LGALS13: variants seen among roughly 807,000 people sequenced by gnomAD.
LGALS13 encodes galactoside-binding soluble lectin 13.
LGALS13 carries 11 observed loss-of-function variants against 13.2 expected under a neutral mutation model. That is an observed-to-expected ratio of 0.83 (90% CI 0.52 to 1.38). The LOEUF is 1.38. Among genes scored for constraint, LGALS13 ranks in the 40% most tolerant of loss-of-function variants. The pLI, the probability that LGALS13 is intolerant of heterozygous loss-of-function variation, is 0.00. For synonymous variants in LGALS13, 71 were observed against 63.7 expected (o/e 1.11, Z -0.54); for missense variants, 183 against 174.3 (o/e 1.05, Z -0.28).
At chr19:39,606,734 C>G (rs1225482350) in intron 3 of LGALS13, among the ~76,000 whole-genome samples, 1 of 152,168 alleles carries the variant, frequency 6.6e-6, no homozygotes, top group Non-Finnish European at 1.5e-5. Flanking sequence ...TCCTTTCATT[C>G]TATAAGAACC....
In LGALS13 at chr19:39,607,280, G is replaced by C. The variant is rs1256516130; in HGVS notation, c.361G>C (p.Val121Leu). The change falls in exon 4 of 4, where the codon GTG becomes CTG. Residue 121 changes from valine to leucine, a missense_variant. By Grantham distance (32) the Val-to-Leu change is conservative. Coordinates refer to ENST00000221797, the MANE Select transcript of LGALS13 (RefSeq NM_013268.3). ...TGTCCATCGAATCCCGCCATCATTT[G>C]TGAAGATGGTGCAAGTGTCGAGAGA... The part of the protein sequence containing the change: ...GFVHRIPPSF[V>L]KMVQVSRDIS... 8 of 1,614,010 alleles carry C rather than the reference G, an allele frequency of 5.0e-6. No homozygotes were observed. The highest frequency in any genetic ancestry group is 5.9e-6 in the Non-Finnish European group (7 of 1,180,024).
At chr19:39,603,712 A>G (rs1451716188) in intron 1 of LGALS13, among the ~76,000 whole-genome samples, 2 of 152,066 alleles carry the variant, frequency 1.3e-5, no homozygotes, top group Non-Finnish European at 1.5e-5. Flanking sequence ...TGACTGGCAG[A>G]GAGGCAGGTA....
chr19:39,606,859 C>G (rs1246025167), intron 3 of LGALS13, among the ~76,000 whole-genome samples: 1 of 152,156 alleles, frequency 6.6e-6, no homozygotes, highest in African/African-American at 2.4e-5. Context: ...ATGCATTCAA[C>G]GAACATGGTC....
chr19:39,606,901 G>C (rs1471577991), intron 3 of LGALS13, among the ~76,000 whole-genome samples: 1 of 152,212 alleles, frequency 6.6e-6, no homozygotes, highest in East Asian at 1.9e-4. Context: ...TCCTGTGCGA[G>C]ATGCAGGGTC....
At chr19:39,605,508 C>A in intron 3 of LGALS13, 120 bp downstream of exon 3, 1 of 821,986 alleles carries the variant, frequency 1.2e-6, no homozygotes, top group Non-Finnish European at 2.0e-6. Flanking sequence ...ACTCCTGCCC[C>A]TGGTTTTCAT....
At chr19:39,604,145 T>A in intron 1 of LGALS13, 1 of 344,380 alleles carries the variant, frequency 2.9e-6, no homozygotes, top group African/African-American at 2.2e-5. Flanking sequence ...GTTTTAATTT[T>A]CAGAGTTGAA....
chr19:39,605,466 C>T (rs1600800070), intron 3 of LGALS13, 78 bp downstream of exon 3: 1 of 1,204,670 alleles, frequency 8.3e-7, no homozygotes, highest in Non-Finnish European at 1.2e-6. Context: ...GATCTGGCCT[C>T]AGTAGTCCGT....
chr19:39,603,068 A>T (rs1056452425), intron 1 of LGALS13, among the ~76,000 whole-genome samples: 2 of 152,110 alleles, frequency 1.3e-5, no homozygotes, highest in Non-Finnish European at 2.9e-5. Flanking sequence ...TGTATGTTGA[A>T]GTGGGATCAT....
chr19:39,602,701 A>G (rs1972620345), intron 1 of LGALS13, 118 bp downstream of exon 1: 1 of 1,011,314 alleles, frequency 9.9e-7, no homozygotes, highest in African/African-American at 1.6e-5. Context: ...ACTTAGAGCT[A>G]TTGAGGTGTG....
chr19:39,603,312 T>C (rs1719712371), intron 1 of LGALS13, among the ~76,000 whole-genome samples: 1 of 151,870 alleles, frequency 6.6e-6, no homozygotes, highest in Non-Finnish European at 1.5e-5. Context: ...CTGCACAGAG[T>C]GACCACTGTC....
At chr19:39,604,788 C>T (rs1972657519) in intron 2 of LGALS13, 110 bp downstream of exon 2, 4 of 1,340,688 alleles carry the variant, frequency 3.0e-6, no homozygotes, top group Middle Eastern at 1.8e-4. Flanking sequence ...AGAATGGAGG[C>T]CCCATGCAGG....
At chr19:39,603,408 G>T (rs112008058) in intron 1 of LGALS13, among the ~76,000 whole-genome samples, 347 of 152,000 alleles carry the variant, frequency 2.3e-3, no homozygotes, top group Admixed American at 5.2e-3. Context: ...ATACTGGTTT[G>T]TTAGGGAAGG....
chr19:39,605,745 C>G (rs925647695), intron 3 of LGALS13, among the ~76,000 whole-genome samples: 2 of 152,140 alleles, frequency 1.3e-5, no homozygotes, highest in Non-Finnish European at 2.9e-5. Context: ...TAATCAGTCA[C>G]AAATTAAGTC....
In LGALS13 at chr19:39,607,422, T is replaced by A. The variant is rs984035684; in HGVS notation, c.*83T>A. The A allele has an allele frequency of 1.0e-5, 9 of 902,400 alleles. No individual in the cohort carries two copies. Among genetic ancestry groups the A allele is most frequent in the Non-Finnish European group, 1.5e-5 (8 of 535,850 alleles). The allele number at this position is 902,400 out of a possible 1,614,324, so 55.9% of individuals were successfully genotyped here. On this transcript the variant is annotated 3_prime_UTR_variant, in exon 4 of 4. Coordinates refer to ENST00000221797, the MANE Select transcript of LGALS13 (RefSeq NM_013268.3). Reference sequence around the variant, plus strand: ...TTCCCAGAACCTGCTAACAGAATAATCCCTGCTCACATTTTCCCCTACACT... The same window carrying A: ...TTCCCAGAACCTGCTAACAGAATAAACCCTGCTCACATTTTCCCCTACACT...
rs186458001 is a variant in LGALS13 at position 39,605,490 on chromosome 19, C to T, written c.303+102C>T. ...TCAGTAGTCCGTCAGGGTCCATCTCCCATAACTACTCCTGCCCCTGGTTTT... is the reference window on the plus strand; with the variant it reads ...TCAGTAGTCCGTCAGGGTCCATCTCTCATAACTACTCCTGCCCCTGGTTTT... On this transcript the variant is annotated intron_variant, in intron 3 of 3. Coordinates refer to ENST00000221797, the MANE Select transcript of LGALS13 (RefSeq NM_013268.3). The T allele has an allele frequency of 5.1e-5, 45 of 888,476 alleles. No individual in the cohort carries two copies. The African/African-American group carries it at 7.4e-4, about 15-fold the overall frequency. 55.0% of individuals were successfully genotyped at this position (888,476 alleles called of 1,614,324 possible). A position where few individuals can be genotyped will look rare whatever the true frequency, so the allele number is the denominator to read the frequency against.
intron 1 of LGALS13, among the ~76,000 whole-genome samples, chr19:39,603,124 C>T (rs1266208290): frequency 6.6e-6 from 1 of 152,160 alleles, no homozygotes; most frequent in African/African-American, 2.4e-5. Flanking sequence ...CACACAGCAG[C>T]ACCTCTGATG....
At position 39,607,300 on chromosome 19, in the gene LGALS13, G is replaced by A. The variant is rs756342845; in HGVS notation, c.381G>A (p.Ser127=). 3 of 1,613,858 alleles carry A rather than the reference G, an allele frequency of 1.9e-6. No homozygotes were observed. The highest frequency in any genetic ancestry group is 1.7e-6 in the Non-Finnish European group (2 of 1,179,804). The part of the protein sequence containing the change: ...PPSFVKMVQV[S]RDISLTSVCV... The stretch of plus-strand genomic sequence containing the variant: ...CATTTGTGAAGATGGTGCAAGTGTC[G>A]AGAGATATCTCCCTGACCTCAGTGT... Residue 127 remains serine, a synonymous_variant, in exon 4 of 4, where the codon TCG becomes TCA. Coordinates refer to ENST00000221797, the MANE Select transcript of LGALS13 (RefSeq NM_013268.3).
At chr19:39,606,968 C>T (rs553197824) in intron 3 of LGALS13, among the ~76,000 whole-genome samples, 1 of 152,252 alleles carries the variant, frequency 6.6e-6, no homozygotes, top group East Asian at 1.9e-4. Context: ...AGAAGGGAGG[C>T]TGAGTAAGCA....
At position 39,607,337 on chromosome 19, in the gene LGALS13, T is replaced by C. The variant is rs1195666008; in HGVS notation, c.418T>C (p.Ter140ArgextTer3). ...ISLTSVCVCN[*>R] ...CCTGACCTCAGTGTGTGTCTGCAAT[T>C]GAGGGAGATGATCACACTCCTCATT... The change falls in exon 4 of 4, where the codon TGA (stop) becomes CGA (arginine). Residue 140 changes from the stop codon to arginine, a stop_lost. Coordinates refer to ENST00000221797, the MANE Select transcript of LGALS13 (RefSeq NM_013268.3). 6.3e-7 allele frequency: 1 copy of C among 1,585,698 alleles called. No homozygotes were observed. The highest frequency in any genetic ancestry group is 8.7e-7 in the Non-Finnish European group (1 of 1,153,988).
Sources: allele counts gnomAD v4.1 joint callset (sites outside exome capture counted in the v4.1 genomes callset), GRCh38; gene constraint gnomAD v4.1.1; transcripts MANE v1.5; gene names NCBI Gene and HGNC (gene_info 2026-07-23, HGNC 2026-07-21).